The following AGAP1 variants were observed in gnomAD, a reference collection of about 807,000 sequenced individuals.
AGAP1 encodes the protein arf-GAP with GTPase, ANK repeat and PH domain-containing protein 1.
Under a neutral mutation model 105.3 loss-of-function variants are expected in AGAP1, and 29 were observed. That is an observed-to-expected ratio of 0.28 (90% CI 0.21 to 0.38). AGAP1 has a LOEUF of 0.38. Among genes scored for constraint, AGAP1 ranks in the 10% least tolerant of loss-of-function variants. The pLI is 1.00. For synonymous variants in AGAP1, 509 were observed against 485.9 expected (o/e 1.05, Z -0.63); for missense variants, 998 against 1,165.1 (o/e 0.86, Z 2.09).
rs1478457838 is a variant in AGAP1 at position 235,891,791 on chromosome 2, G to A, written c.1155+8342G>A. 2.6e-5 allele frequency among the ~76,000 whole-genome samples: 4 copies of A among 152,094 alleles called. No individual in the cohort carries two copies. The highest frequency in any genetic ancestry group is 5.9e-5 in the Non-Finnish European group (4 of 68,026). ...TCTGGGCTTCCTCAGGAGGTCGTTT[G>A]GCAGCTGTGAAACTCCTCCCCTCCG... On this transcript the variant is annotated intron_variant, in intron 10 of 17. Transcript: ENST00000304032. This position sits in a 1 kb window ranked among gnomAD's most constrained non-coding sequence, Gnocchi z 4.2.
intron 5 of AGAP1, among the ~76,000 whole-genome samples, chr2:235,746,903 A>T (rs1319881496): frequency 6.6e-6 from 1 of 152,172 alleles, no homozygotes; most frequent in African/African-American, 2.4e-5. Context: ...CTGAGTTCTG[A>T]GTACACATCC....
chr2:235,564,287 GC>G (rs925812300), intron 1 of AGAP1, among the ~76,000 whole-genome samples: 3 of 152,146 alleles, frequency 2.0e-5, no homozygotes, highest in Non-Finnish European at 4.4e-5. Context: ...TTGCTTTGGA[GC>G]AGTCAGACTC....
chr2:235,498,484 C>T (rs1941418459), intron 1 of AGAP1, among the ~76,000 whole-genome samples: 1 of 152,190 alleles, frequency 6.6e-6, no homozygotes, highest in Non-Finnish European at 1.5e-5. Context: ...AGCCTGAGAG[C>T]CATCTCGCCT....
At position 236,036,593 on chromosome 2, in the gene AGAP1, T is replaced by G. The variant is rs745746207; in HGVS notation, c.1678T>G (p.Ser560Ala). The part of the protein sequence containing the change: ...QEENFEFIIV[S>A]LTGQTWHFEA... ...AGAAAATTTTGAGTTTATCATTGTG[T>G]CCCTCACTGGCCAAACATGGCACTT... Residue 560 changes from serine (S) to alanine (A), a missense_variant, in exon 14 of 18, where the codon TCC becomes GCC. Coordinates refer to ENST00000304032, the MANE Select transcript of AGAP1 (RefSeq NM_001037131.3). The surrounding 1 kb of genome is among the most constrained non-coding windows in gnomAD (Gnocchi z 5.7). 1 of 1,614,156 alleles carries G rather than the reference T, an allele frequency of 6.2e-7. No homozygotes were observed. The highest frequency in any genetic ancestry group is 1.7e-5 in the Admixed American group (1 of 60,020).
chr2:235,985,596 C>A (rs571795724), intron 13 of AGAP1, among the ~76,000 whole-genome samples: 1 of 152,264 alleles, frequency 6.6e-6, no homozygotes, highest in South Asian at 2.1e-4. Flanking sequence ...TCATTTAACT[C>A]TTTAATTAAT....
intron 1 of AGAP1, among the ~76,000 whole-genome samples, chr2:235,628,718 TCACCCAAGCA>T (rs1346475182): frequency 1.3e-5 from 2 of 152,070 alleles, no homozygotes; most frequent in African/African-American, 4.8e-5. Flanking sequence ...GGTGCACCCA[TCACCCAAGCA>T]GTGTACACTG....
rs181331353 is a variant in AGAP1, at chr2:235,963,205, T to C, written c.1484-5257T>C. 2.8e-4 allele frequency among the ~76,000 whole-genome samples: 42 copies of C among 152,236 alleles called. No homozygotes were observed. Among genetic ancestry groups the C allele is most frequent in the Admixed American group, 5.2e-4 (8 of 15,298 alleles). On this transcript the variant is annotated intron_variant, in intron 12 of 17. Coordinates refer to ENST00000304032, the MANE Select transcript of AGAP1 (RefSeq NM_001037131.3). The surrounding 1 kb of genome is among the most constrained non-coding windows in gnomAD (Gnocchi z 5.1). ...AGAGAATTATAAATATTGCAAGATA[T>C]GGAGAAAGCTTAGAAATGAGAGGGC...
chr2:235,726,555 T>C (rs1951656726), intron 3 of AGAP1, among the ~76,000 whole-genome samples: 1 of 152,194 alleles, frequency 6.6e-6, no homozygotes, highest in Non-Finnish European at 1.5e-5. Flanking sequence ...GGAACCACCA[T>C]CACACACTTT....
chr2:235,512,759 C>G (rs2149031888), intron 1 of AGAP1, among the ~76,000 whole-genome samples: 1 of 152,342 alleles, frequency 6.6e-6, no homozygotes, highest in African/African-American at 2.4e-5. Flanking sequence ...TGCCTCTGCT[C>G]AGTGGCTCCT....
Position 235,880,866 on chromosome 2 carries a change from G to A in AGAP1, c.1051-2479G>A, listed in dbSNP as rs145607282. 1.1e-3 allele frequency among the ~76,000 whole-genome samples: 162 copies of A among 152,248 alleles called. 1 individual carries two copies. The East Asian group carries it at 0.025, about 23-fold the overall frequency. ...GCAATTGCTTGTTTATTACCGCATC[G>A]CTGATGGTGACTGCCCTTCTCTAAT... is the stretch of plus-strand genomic sequence containing the variant. On this transcript the variant is annotated intron_variant, in intron 9 of 17. Transcript: ENST00000304032.
chr2:235,776,309 C>T (rs1955858216), intron 6 of AGAP1, among the ~76,000 whole-genome samples: 1 of 152,172 alleles, frequency 6.6e-6, no homozygotes, highest in South Asian at 2.1e-4. Context: ...TCTCCCCCTA[C>T]CTACTGCCCA....
intron 9 of AGAP1, among the ~76,000 whole-genome samples, chr2:235,821,743 T>G (rs1253240670): frequency 6.6e-6 from 1 of 152,232 alleles, no homozygotes; most frequent in Non-Finnish European, 1.5e-5. Flanking sequence ...CAGTTTTTCC[T>G]GAAATGTTCT....
chr2:235,953,702 A>G lies in AGAP1; in HGVS notation c.1484-14760A>G, dbSNP rs2053834427. Among the ~76,000 whole-genome samples, 1 of 152,208 alleles carries G rather than the reference A, an allele frequency of 6.6e-6. No homozygotes were observed. ...TCTCAGTGCTTTGGGAGGCCAAAGC[A>G]GAAGGATCACTCAAGCTAGGAGTTT... On this transcript the variant is annotated intron_variant, in intron 12 of 17. Coordinates refer to ENST00000304032, the MANE Select transcript of AGAP1 (RefSeq NM_001037131.3). The surrounding 1 kb of genome is among the most constrained non-coding windows in gnomAD (Gnocchi z 5.2).
intron 2 of AGAP1, among the ~76,000 whole-genome samples, chr2:235,710,594 G>T (rs375465722): frequency 6.6e-6 from 1 of 152,224 alleles, no homozygotes; most frequent in Admixed American, 6.5e-5. Context: ...TGTCTCAGAA[G>T]CCTGGGGTTC....
chr2:235,921,880 G>C (rs932064364), intron 11 of AGAP1, among the ~76,000 whole-genome samples: 2 of 152,194 alleles, frequency 1.3e-5, no homozygotes, highest in African/African-American at 4.8e-5. Flanking sequence ...AAGCAAGGCA[G>C]ATCTCCAATG....
At chr2:235,567,629 C>T (rs558895665) in intron 1 of AGAP1, among the ~76,000 whole-genome samples, 20 of 152,118 alleles carry the variant, frequency 1.3e-4, no homozygotes, top group East Asian at 3.9e-4. Context: ...GCTTCCCAGC[C>T]GGTCGCATAC....
intron 1 of AGAP1, among the ~76,000 whole-genome samples, chr2:235,523,711 G>T (rs921937378): frequency 1.3e-5 from 2 of 152,190 alleles, no homozygotes; most frequent in African/African-American, 2.4e-5. Context: ...ATGGCGGGGG[G>T]TGGTGGCCAG....
rs77608874 is a variant in AGAP1, at chr2:235,688,680, G to A, written c.164-20499G>A. On this transcript the variant is annotated intron_variant, in intron 1 of 17. Coordinates refer to ENST00000304032, the MANE Select transcript of AGAP1 (RefSeq NM_001037131.3). ...TTTCGTCATGACCACGTGTGTACCC[G>A]TTAAGACTAGACAAGGGAGTCACCG... Among the ~76,000 whole-genome samples, 117 of 152,276 alleles carry A rather than the reference G, an allele frequency of 7.7e-4. No individual in the cohort carries two copies. The Middle Eastern group carries it at 0.01, about 13-fold the overall frequency.
At position 235,577,131 on chromosome 2, in the gene AGAP1, T is replaced by C. The variant is rs973572170; in HGVS notation, c.163+82282T>C. On this transcript the variant is annotated intron_variant, in intron 1 of 17. Transcript: ENST00000304032. This position sits in a 1 kb window ranked among gnomAD's most constrained non-coding sequence, Gnocchi z 4.5. ...GGAAGTAGAATGCCAGCCACATACG[T>C]CATTTAAAGTTTTCTACTAGCTACA... 3.9e-5 allele frequency among the ~76,000 whole-genome samples: 6 copies of C among 152,176 alleles called. No individual in the cohort carries two copies. The highest frequency in any genetic ancestry group is 1.4e-4 in the African/African-American group (6 of 41,444).
Sources: allele counts gnomAD v4.1 joint callset (sites outside exome capture counted in the v4.1 genomes callset), GRCh38; gene constraint gnomAD v4.1.1; non-coding constraint Gnocchi (gnomAD v3.1); transcripts MANE v1.5; gene names NCBI Gene and HGNC (gene_info 2026-07-23, HGNC 2026-07-21).